The following ATP6V0D2 variants were observed in gnomAD, a reference collection of about 807,000 sequenced individuals.
The protein encoded by ATP6V0D2 is V-type proton ATPase subunit d 2.
Under a neutral mutation model 40.0 loss-of-function variants are expected in ATP6V0D2, and 40 were observed. The observed-to-expected ratio is 1.00, with a 90% CI of 0.78 to 1.30. The LOEUF (loss-of-function observed/expected upper bound fraction) is 1.30, where lower values mean the gene tolerates loss of function less well. Ranked by LOEUF, ATP6V0D2 falls within the 50% of genes most tolerant of loss-of-function variation. The pLI, the probability that ATP6V0D2 is intolerant of heterozygous loss-of-function variation, is 0.00. For missense variants in ATP6V0D2, 470 were observed against 423.1 expected (o/e 1.11, Z -0.97); for synonymous variants, 179 against 156.3 (o/e 1.15, Z -1.08).
chr8:86,141,575 A>T (rs1818974119), intron 4 of ATP6V0D2, 46 bp downstream of exon 4: 1 of 1,367,696 alleles, frequency 7.3e-7, no homozygotes, highest in Admixed American at 1.9e-5. Context: ...TACACAATGT[A>T]TTGTGACTAG....
Position 86,150,270 on chromosome 8 carries a change from C to G in ATP6V0D2, c.798C>G (p.Asn266Lys), listed in dbSNP as rs369857600. 1 of 1,613,104 alleles carries G rather than the reference C, an allele frequency of 6.2e-7. No homozygotes were observed. The highest frequency in any genetic ancestry group is 1.3e-5 in the African/African-American group (1 of 74,676). ...CAGAAGACTTTGACCAGATGAAGAA[C>G]GTAGCGGATCATTACGGAGTATGTG... Reference protein sequence around the residue: ...AQAEDFDQMKNVADHYGVYKP... With the variant: ...AQAEDFDQMKKVADHYGVYKP... The change falls in exon 6 of 8, where the codon AAC becomes AAG. Residue 266 changes from asparagine (N) to lysine (K), a missense_variant. Coordinates refer to ENST00000285393, the MANE Select transcript of ATP6V0D2 (RefSeq NM_152565.1).
intron 5 of ATP6V0D2, among the ~76,000 whole-genome samples, chr8:86,145,370 G>GAAAGAAAAGAAAAGAAAAGAAAAGAA (rs33955030): frequency 5.7e-5 from 4 of 70,688 alleles, no homozygotes; most frequent in East Asian, 4.0e-4. Context: ...AGGAAGGAAG[G>GAAAGAAAAGAAAAGAAAAGAAAAGAA]AAGGAAAGAA....
At chr8:86,147,065 CT>C (rs1361232493) in intron 5 of ATP6V0D2, among the ~76,000 whole-genome samples, 1 of 152,050 alleles carries the variant, frequency 6.6e-6, no homozygotes, top group African/African-American at 2.4e-5. Flanking sequence ...TAATATTTGC[CT>C]TTTACTCCTA....
intron 2 of ATP6V0D2, among the ~76,000 whole-genome samples, chr8:86,117,577 G>A (rs1171125871): frequency 2.6e-5 from 4 of 152,190 alleles, no homozygotes; most frequent in Admixed American, 2.6e-4. Context: ...AGCGCTATGG[G>A]TTAGGATAAT....
rs376351025 is a variant in ATP6V0D2, at chr8:86,133,600, C to T, written c.303-5857C>T. Among the ~76,000 whole-genome samples the T allele has an allele frequency of 7.9e-5, 12 of 152,002 alleles. No homozygotes were observed. In the East Asian group the frequency reaches 1.2e-3, roughly 15 times the overall value. ...CCTCCCAAAGTGCTGGGATTACAGG[C>T]GTGATTCACCGCGCCTGGCCACAAG... On this transcript the variant is annotated intron_variant, in intron 2 of 7. Coordinates refer to ENST00000285393, the MANE Select transcript of ATP6V0D2 (RefSeq NM_152565.1).
At chr8:86,152,768 A>G in intron 7 of ATP6V0D2, 48 bp from the exon 8 acceptor site, 7 of 1,536,866 alleles carry the variant, frequency 4.6e-6, no homozygotes, top group Non-Finnish European at 6.1e-6. Flanking sequence ...TTATTCCATA[A>G]TGTTCCAAAT....
At chr8:86,142,171 A>T (rs1365546873) in intron 4 of ATP6V0D2, among the ~76,000 whole-genome samples, 2 of 152,214 alleles carry the variant, frequency 1.3e-5, no homozygotes, top group Non-Finnish European at 2.9e-5. Context: ...CTGTGTTCAA[A>T]CATGTGGTCC....
At chr8:86,146,325 A>C (rs766319674) in intron 5 of ATP6V0D2, among the ~76,000 whole-genome samples, 33 of 152,178 alleles carry the variant, frequency 2.2e-4, no homozygotes, top group Admixed American at 1.1e-3. Flanking sequence ...CGATATGCCC[A>C]GTGTTCTCAT....
chr8:86,101,126 G>C (rs1321786334), intron 1 of ATP6V0D2, among the ~76,000 whole-genome samples: 1 of 142,968 alleles, frequency 7.0e-6, no homozygotes, highest in Non-Finnish European at 1.5e-5. Flanking sequence ...CAGCCTGGGT[G>C]ACACAGTGAA....
intron 2 of ATP6V0D2, among the ~76,000 whole-genome samples, chr8:86,129,962 G>A (rs1193739927): frequency 2.2e-5 from 3 of 135,090 alleles, no homozygotes; most frequent in South Asian, 2.4e-4. Context: ...GGGTCACAGA[G>A]AGAGACCCTG....
chr8:86,148,979 T>C (rs1405812889), intron 5 of ATP6V0D2, among the ~76,000 whole-genome samples: 1 of 135,032 alleles, frequency 7.4e-6, no homozygotes, highest in Non-Finnish European at 1.5e-5. Flanking sequence ...GGTGGGAGGT[T>C]GAGGCTGCAG....
chr8:86,152,401 T>C, intron 7 of ATP6V0D2, among the ~76,000 whole-genome samples: 1 of 152,200 alleles, frequency 6.6e-6, no homozygotes, highest in East Asian at 1.9e-4. Flanking sequence ...CAGGTGTCTT[T>C]ATAGTAGGAT....
At chr8:86,143,018 A>G in intron 5 of ATP6V0D2, 64 bp downstream of exon 5, 1 of 1,184,318 alleles carries the variant, frequency 8.4e-7, no homozygotes. Context: ...TATTGTTTTA[A>G]CCTTACTTAT....
intron 5 of ATP6V0D2, among the ~76,000 whole-genome samples, chr8:86,144,281 T>G (rs1345256309): frequency 6.6e-6 from 1 of 152,236 alleles, no homozygotes; most frequent in Non-Finnish European, 1.5e-5. Flanking sequence ...TTCCTCTTGC[T>G]AGTAAATAAT....
chr8:86,109,249 A>G (rs938047254), intron 1 of ATP6V0D2, among the ~76,000 whole-genome samples: 15 of 152,194 alleles, frequency 9.9e-5, no homozygotes, highest in Non-Finnish European at 1.5e-4. Context: ...ATTTTACCAT[A>G]AAGTCTTATT....
chr8:86,153,179 T>C lies in ATP6V0D2; in HGVS notation c.*202T>C. 1 of 395,364 alleles carries C rather than the reference T, an allele frequency of 2.5e-6. No individual in the cohort carries two copies. Among genetic ancestry groups the C allele is most frequent in the South Asian group, 5.8e-5 (1 of 17,286 alleles). The allele number at this position is 395,364 out of a possible 1,614,324, so 24.5% of individuals were successfully genotyped here. A position where few individuals can be genotyped will look rare whatever the true frequency, so the allele number is the denominator to read the frequency against. On this transcript the variant is annotated 3_prime_UTR_variant, in exon 8 of 8. Coordinates refer to ENST00000285393, the MANE Select transcript of ATP6V0D2 (RefSeq NM_152565.1). Reference sequence around the variant, plus strand: ...GTTTTCAGTGGTATTAGATCTTGTTTCCACATGTCTGTCTCATTCTTCACT... The same window carrying C: ...GTTTTCAGTGGTATTAGATCTTGTTCCCACATGTCTGTCTCATTCTTCACT...
At chr8:86,150,353 T>C in intron 6 of ATP6V0D2, 65 bp downstream of exon 6, 1 of 1,475,312 alleles carries the variant, frequency 6.8e-7, no homozygotes, top group Non-Finnish European at 9.2e-7. Flanking sequence ...CTTTAGAAGC[T>C]CACACATCAA....
At position 86,153,934 on chromosome 8, in the gene ATP6V0D2, A is replaced by G. The variant is rs968943925; in HGVS notation, c.*957A>G. ...CAAGCACCCACCACTACACTCAGCTAATTTTTTGTATTTTTAGTAGAGCCG... is the reference window on the plus strand; with the variant it reads ...CAAGCACCCACCACTACACTCAGCTGATTTTTTGTATTTTTAGTAGAGCCG... On this transcript the variant is annotated 3_prime_UTR_variant, in exon 8 of 8. Transcript: ENST00000285393. 6.6e-6 allele frequency: 1 copy of G among 151,518 alleles called. No homozygotes were observed. The highest frequency in any genetic ancestry group is 1.5e-5 in the Non-Finnish European group (1 of 67,902). The allele number at this position is 151,518 out of a possible 1,614,324, so 9.4% of individuals were successfully genotyped here. A position where few individuals can be genotyped will look rare whatever the true frequency, so the allele number is the denominator to read the frequency against.
At chr8:86,124,350 G>A (rs979364591) in intron 2 of ATP6V0D2, among the ~76,000 whole-genome samples, 2 of 152,160 alleles carry the variant, frequency 1.3e-5, no homozygotes, top group Non-Finnish European at 2.9e-5. Context: ...TGACTACTAT[G>A]AGTAAAGGCT....
Sources: gnomAD v4.1 joint callset for allele counts (sites outside exome capture counted in the v4.1 genomes callset) on GRCh38, gnomAD v4.1.1 for gene constraint, MANE v1.5 for transcripts, NCBI Gene and HGNC (gene_info 2026-07-23, HGNC 2026-07-21) for gene names.